The following PLEKHD1 variants were observed in gnomAD, a reference collection of about 807,000 sequenced individuals.
PLEKHD1 encodes the protein pleckstrin homology and coiled-coil domain containing D1, also known as pleckstrin homology domain-containing family D member 1.
In PLEKHD1, 51 loss-of-function variants were observed where a neutral mutation model predicts 69.2. The observed-to-expected ratio is 0.74, with a 90% confidence interval of 0.59 to 0.93. The LOEUF (loss-of-function observed/expected upper bound fraction) is 0.93. Ranked by LOEUF, PLEKHD1 falls within the 40% of genes least tolerant of loss-of-function variation. The probability of loss-of-function intolerance (pLI) is 0.00; values close to 1 mark genes in which losing one functional copy is unlikely to be tolerated. For missense variants in PLEKHD1, 584 were observed against 641.0 expected (o/e 0.91, Z 0.96); for synonymous variants, 236 against 244.7 (o/e 0.96, Z 0.33).
At chr14:69,513,587 T>TA (rs1356079864) in intron 6 of PLEKHD1, among the ~76,000 whole-genome samples, 1 of 152,232 alleles carries the variant, frequency 6.6e-6, no homozygotes, top group Non-Finnish European at 1.5e-5. Flanking sequence ...TTTTGTCTGT[T>TA]AAGCTAAGTT....
rs1238416813 is a variant in PLEKHD1 at position 69,498,037 on chromosome 14, A to ATTTTG, written c.150-2074_150-2073insGTTTT. 5.0e-4 allele frequency among the ~76,000 whole-genome samples: 70 copies of ATTTTG among 139,980 alleles called. 1 individual carries two copies. In the East Asian group the frequency reaches 0.013, roughly 25 times the overall value. The allele number at this position is 139,980 out of a possible 152,430, so 91.8% of individuals were successfully genotyped here. A position where few individuals can be genotyped will look rare whatever the true frequency, so the allele number is the denominator to read the frequency against. On this transcript the variant is annotated intron_variant, in intron 1 of 12. Coordinates refer to ENST00000322564, the MANE Select transcript of PLEKHD1 (RefSeq NM_001161498.2). ...CCCTGTTTCTATTTTATTTTGTTTT[A>ATTTTG]TTTTATTTTATTTTATTTTATTTAT...
In PLEKHD1 at chr14:69,531,530, A is replaced by G. The variant is rs1311171483; in HGVS notation, c.*3111A>G. 1.3e-5 allele frequency: 2 copies of G among 152,176 alleles called. No individual in the cohort carries two copies. The highest frequency in any genetic ancestry group is 4.8e-5 in the African/African-American group (2 of 41,434). 9.4% of individuals were successfully genotyped at this position (152,176 alleles called of 1,614,324 possible). ...AAAACTCTTATTCCTTGGCCAATTA[A>G]ATGCATTTCCTGCAGTATCTATTTA... is the stretch of plus-strand genomic sequence containing the variant. On this transcript the variant is annotated 3_prime_UTR_variant, in exon 13 of 13. Coordinates refer to ENST00000322564, the MANE Select transcript of PLEKHD1 (RefSeq NM_001161498.2).
the PLEKHD1 span, among the ~76,000 whole-genome samples, chr14:69,468,881 C>T: frequency 0.045 from 6,824 of 152,154 alleles, 215 homozygotes; most frequent in East Asian, 0.11. Context: ...GTGCCCCACC[C>T]GACAATCACC....
At chr14:69,483,054 C>G (rs900631178), upstream of PLEKHD1, among the ~76,000 whole-genome samples, 26 of 152,182 alleles carry the variant, frequency 1.7e-4, no homozygotes, top group African/African-American at 6.3e-4. Context: ...GCCCCGGGCT[C>G]TCATCATCTT....
At chr14:69,517,325 C>T (rs1252121558) in intron 6 of PLEKHD1, among the ~76,000 whole-genome samples, 2 of 152,098 alleles carry the variant, frequency 1.3e-5, no homozygotes, top group East Asian at 3.8e-4. Flanking sequence ...TGTTCTTGGA[C>T]ATGTGTTTAT....
rs757190119 is a variant in PLEKHD1, at chr14:69,501,718, T to A, written c.411-16T>A. The A allele has an allele frequency of 5.3e-5, 81 of 1,539,166 alleles. No homozygotes were observed. Among genetic ancestry groups the A allele is most frequent in the Non-Finnish European group, 6.9e-5 (78 of 1,136,894 alleles). ...TTCCTCTTCTCTCCTCTGTCCCATC[T>A]GCCCTCCCTCCCCAGGACCTGGAAG... On this transcript the variant is annotated splice_polypyrimidine_tract_variant and intron_variant, in intron 4 of 12. Transcript: ENST00000322564.
chr14:69,483,326 C>T (rs904146635), upstream of PLEKHD1, among the ~76,000 whole-genome samples: 8 of 151,538 alleles, frequency 5.3e-5, no homozygotes, highest in Non-Finnish European at 7.4e-5. Flanking sequence ...ATCTAGTGGG[C>T]GTCACACATC....
intron 6 of PLEKHD1, among the ~76,000 whole-genome samples, chr14:69,513,330 A>G (rs1345221779): frequency 6.6e-6 from 1 of 152,230 alleles, no homozygotes; most frequent in Non-Finnish European, 1.5e-5. Context: ...CCTCAGAATC[A>G]CAGCAGATTG....
chr14:69,516,540 G>A (rs1883388006), intron 6 of PLEKHD1, among the ~76,000 whole-genome samples: 1 of 151,914 alleles, frequency 6.6e-6, no homozygotes, highest in African/African-American at 2.4e-5. Context: ...AATTTTAATG[G>A]CAATGTACTG....
chr14:69,522,546 G>A (rs1883541492), intron 7 of PLEKHD1, among the ~76,000 whole-genome samples, 169 bp downstream of exon 7: 1 of 152,146 alleles, frequency 6.6e-6, no homozygotes, highest in Non-Finnish European at 1.5e-5. Context: ...AGGTTTGAGT[G>A]TTCCCAGAAG....
Position 69,502,824 on chromosome 14 carries a change from C to T in PLEKHD1, c.503-3C>T, listed in dbSNP as rs1209721260. 1 of 1,551,390 alleles carries T rather than the reference C, an allele frequency of 6.4e-7. No homozygotes were observed. The highest frequency in any genetic ancestry group is 8.7e-7 in the Non-Finnish European group (1 of 1,146,926). On this transcript the variant is annotated splice_region_variant and splice_polypyrimidine_tract_variant and intron_variant, in intron 5 of 12. Coordinates refer to ENST00000322564, the MANE Select transcript of PLEKHD1 (RefSeq NM_001161498.2). ...ATGTGTGTGTGTGTGCTTGTTTTGG[C>T]AGACAAACTGATGGAAGAGACCGAA...
intron 4 of PLEKHD1, 138 bp downstream of exon 4, chr14:69,501,085 A>C: frequency 1.1e-6 from 1 of 878,510 alleles, no homozygotes; most frequent in Admixed American, 2.1e-5. Flanking sequence ...GGTAGGGGAG[A>C]GCAGACAGGC....
chr14:69,522,133 G>A, intron 6 of PLEKHD1, 150 bp from the exon 7 acceptor site: 1 of 675,016 alleles, frequency 1.5e-6, no homozygotes. Context: ...AGTGGGGCCA[G>A]CGGGCCTTAG....
intron 6 of PLEKHD1, among the ~76,000 whole-genome samples, chr14:69,503,863 C>CAAAAA (rs35831952): frequency 7.7e-5 from 3 of 39,122 alleles, no homozygotes; most frequent in African/African-American, 1.6e-4. Flanking sequence ...GACTCCGTCT[C>CAAAAA]AAAAAAAAAA....
intron 8 of PLEKHD1, 97 bp downstream of exon 8, chr14:69,524,419 T>C (rs926172362): frequency 9.4e-7 from 1 of 1,061,328 alleles, no homozygotes; most frequent in African/African-American, 1.6e-5. Flanking sequence ...CAGGGGGTGA[T>C]CTGTAAGAGA....
At chr14:69,495,683 T>A (rs1218311957) in intron 1 of PLEKHD1, among the ~76,000 whole-genome samples, 1 of 152,228 alleles carries the variant, frequency 6.6e-6, no homozygotes, top group Non-Finnish European at 1.5e-5. Context: ...GCCTTGCAGT[T>A]CCCTCGAGAG....
At chr14:69,495,183 A>T (rs995413781) in intron 1 of PLEKHD1, among the ~76,000 whole-genome samples, 1 of 152,152 alleles carries the variant, frequency 6.6e-6, no homozygotes, top group Admixed American at 6.5e-5. Flanking sequence ...CGAGGAGAAG[A>T]AGGGATATGA....
chr14:69,522,214 A>T (rs1883531396), intron 6 of PLEKHD1, 69 bp from the exon 7 acceptor site: 1 of 1,404,708 alleles, frequency 7.1e-7, no homozygotes, highest in Non-Finnish European at 9.8e-7. Context: ...CTTGGGATAG[A>T]GTGGGGGATC....
intron 7 of PLEKHD1, among the ~76,000 whole-genome samples, chr14:69,523,705 A>G (rs1162974617): frequency 6.6e-6 from 1 of 152,296 alleles, no homozygotes; most frequent in East Asian, 1.9e-4. Context: ...GGGCTGAGTG[A>G]GATGGGCCTT....
Sources: allele counts gnomAD v4.1 joint callset (sites outside exome capture counted in the v4.1 genomes callset), GRCh38; gene constraint gnomAD v4.1.1; transcripts MANE v1.5; gene names NCBI Gene and HGNC (gene_info 2026-07-23, HGNC 2026-07-21).